The following HNRNPC variants were observed in gnomAD, a reference collection of about 807,000 sequenced individuals.
HNRNPC encodes the protein heterogeneous nuclear ribonucleoprotein C, also known as heterogeneous nuclear ribonucleoproteins C1/C2.
HNRNPC carries 3 observed loss-of-function variants against 33.2 expected under a neutral mutation model. That is an observed-to-expected ratio of 0.09 (90% confidence interval 0.04 to 0.23). The LOEUF (loss-of-function observed/expected upper bound fraction) is 0.23, where lower values mean the gene tolerates loss of function less well. Ranked by LOEUF, HNRNPC falls within the 10% of genes least tolerant of loss-of-function variation. The pLI is 1.00. For missense variants in HNRNPC, 143 were observed against 366.7 expected (o/e 0.39, Z 4.98); for synonymous variants, 121 against 126.7 (o/e 0.96, Z 0.30).
chr14:21,216,757 C>G (rs1240541670), intron 5 of HNRNPC, among the ~76,000 whole-genome samples: 1 of 152,088 alleles, frequency 6.6e-6, no homozygotes, highest in East Asian at 1.9e-4. Context: ...CATTCTATCT[C>G]CAGTAAATAC....
chr14:21,212,346 G>A (rs1023844856), intron 6 of HNRNPC, among the ~76,000 whole-genome samples: 1 of 151,876 alleles, frequency 6.6e-6, no homozygotes, highest in Non-Finnish European at 1.5e-5. Context: ...GTTACAGGAG[G>A]AGTTCAATAT....
At chr14:21,219,123 AAG>A (rs1491087769) in intron 5 of HNRNPC, among the ~76,000 whole-genome samples, 2 of 134,014 alleles carry the variant, frequency 1.5e-5, no homozygotes, top group African/African-American at 2.7e-5. Flanking sequence ...AAAAAAAAAA[AAG>A]AAGAAAAAGA....
intron 2 of HNRNPC, among the ~76,000 whole-genome samples, chr14:21,254,060 CAA>C (rs575132536): frequency 2.1e-4 from 11 of 51,988 alleles, no homozygotes; most frequent in Non-Finnish European, 2.4e-4. Context: ...GATTCCGTCT[CAA>C]AAAAAAAAAA....
At chr14:21,255,551 C>T (rs1877031915) in intron 2 of HNRNPC, among the ~76,000 whole-genome samples, 1 of 152,208 alleles carries the variant, frequency 6.6e-6, no homozygotes, top group Admixed American at 6.5e-5. Flanking sequence ...ATTAACACTG[C>T]TTACTAAACC....
At position 21,210,021 on chromosome 14, in the gene HNRNPC, A is replaced by C. The variant is rs1891448290; in HGVS notation, c.*1202T>G. 6.6e-6 allele frequency: 1 copy of C among 152,238 alleles called. No homozygotes were observed. Among genetic ancestry groups the C allele is most frequent in the South Asian group, 2.1e-4 (1 of 4,832 alleles). The allele number at this position is 152,238 out of a possible 1,614,324, so 9.4% of individuals were successfully genotyped here. A position where few individuals can be genotyped will look rare whatever the true frequency, so the allele number is the denominator to read the frequency against. ...TTCTCTATGTTCTCAATCACCTGGG[A>C]AGGCAGTCTATGGAATATCAGGAAG... On this transcript the variant is annotated 3_prime_UTR_variant, in exon 9 of 9. Coordinates refer to ENST00000553300, the MANE Select transcript of HNRNPC (RefSeq NM_004500.4).
At chr14:21,264,274 C>A (rs1878630575) in intron 1 of HNRNPC, 1 of 152,058 alleles carries the variant, frequency 6.6e-6, no homozygotes, top group South Asian at 2.1e-4. Flanking sequence ...GAATGGCCTA[C>A]CATGAAGATC....
At chr14:21,228,485 G>A (rs934898189) in intron 5 of HNRNPC, among the ~76,000 whole-genome samples, 6 of 151,962 alleles carry the variant, frequency 3.9e-5, no homozygotes, top group Non-Finnish European at 7.4e-5. Flanking sequence ...TCCACCTCCC[G>A]GGATCAAGCA....
chr14:21,267,407 C>T (rs986034646), intron 1 of HNRNPC, among the ~76,000 whole-genome samples: 1 of 152,140 alleles, frequency 6.6e-6, no homozygotes, highest in Admixed American at 6.6e-5. Flanking sequence ...TTGCTTGTTT[C>T]GCACAGCCAT....
At chr14:21,259,047 C>G (rs1434515432) in intron 2 of HNRNPC, among the ~76,000 whole-genome samples, 1 of 152,180 alleles carries the variant, frequency 6.6e-6, no homozygotes, top group Admixed American at 6.5e-5. Flanking sequence ...AAACAAGACC[C>G]TCTAAGGTCC....
Position 21,256,318 on chromosome 14 carries a change from T to C in HNRNPC, c.-37+6993A>G, listed in dbSNP as rs532007941. ...AAACAAATTAGCTGGGCTTGGTGGC[T>C]GGTGCCTGTAATCCCAGCTACTTGG... On this transcript the variant is annotated intron_variant, in intron 2 of 8. Coordinates refer to ENST00000553300, the MANE Select transcript of HNRNPC (RefSeq NM_004500.4). 1.6e-4 allele frequency among the ~76,000 whole-genome samples: 24 copies of C among 152,004 alleles called. No homozygotes were observed. The South Asian group carries it at 3.1e-3, about 20-fold the overall frequency.
At chr14:21,251,450 G>A (rs1051003303) in intron 2 of HNRNPC, among the ~76,000 whole-genome samples, 2 of 151,854 alleles carry the variant, frequency 1.3e-5, no homozygotes, top group African/African-American at 4.8e-5. Flanking sequence ...AGGCAGAGGC[G>A]GGCAGATAAC....
chr14:21,237,395 T>A lies in HNRNPC; in HGVS notation c.-36-3166A>T, dbSNP rs74623854. ...AGGTTAAAATTTATCTGTTTAAGAATCCACAGTATTAACTTGTAGTTTCCC... is the reference window on the plus strand; with the variant it reads ...AGGTTAAAATTTATCTGTTTAAGAAACCACAGTATTAACTTGTAGTTTCCC... On this transcript the variant is annotated intron_variant, in intron 2 of 8. Transcript: ENST00000553300. Among the ~76,000 whole-genome samples, 778 of 152,336 alleles carry A rather than the reference T, an allele frequency of 5.1e-3. 5 individuals are homozygous for A. Among genetic ancestry groups the A allele is most frequent in the South Asian group, 0.012 (58 of 4,832 alleles).
At chr14:21,230,208 T>G in intron 5 of HNRNPC, 111 bp downstream of exon 5, 1 of 662,788 alleles carries the variant, frequency 1.5e-6, no homozygotes, top group Non-Finnish European at 2.6e-6. Flanking sequence ...TGTTTTGGAG[T>G]TAGGGGAGTA....
chr14:21,266,872 C>G (rs1471537307), intron 1 of HNRNPC, among the ~76,000 whole-genome samples: 1 of 151,750 alleles, frequency 6.6e-6, no homozygotes, highest in Non-Finnish European at 1.5e-5. Context: ...AGGAGGACTC[C>G]CTGAGCTCAG....
chr14:21,246,736 C>T (rs1896019273), intron 2 of HNRNPC, among the ~76,000 whole-genome samples: 1 of 152,166 alleles, frequency 6.6e-6, no homozygotes, highest in Non-Finnish European at 1.5e-5. Context: ...GGAACAATTA[C>T]AACTGACCTT....
intron 2 of HNRNPC, among the ~76,000 whole-genome samples, chr14:21,250,641 T>C (rs893304165): frequency 1.3e-5 from 2 of 152,190 alleles, no homozygotes; most frequent in African/African-American, 2.4e-5. Flanking sequence ...AATTTAGAAG[T>C]CATTATTTCA....
At chr14:21,215,715 T>C (rs1305896601) in intron 5 of HNRNPC, among the ~76,000 whole-genome samples, 6 of 151,900 alleles carry the variant, frequency 3.9e-5, no homozygotes, top group Admixed American at 3.3e-4. Flanking sequence ...CTGACCAACA[T>C]GGGGAAACCC....
At chr14:21,245,507 T>A (rs77148387) in intron 2 of HNRNPC, among the ~76,000 whole-genome samples, 28,539 of 151,488 alleles carry the variant, frequency 0.19, 3,202 homozygotes, top group African/African-American at 0.29. Context: ...AAAAAATATA[T>A]ATATATTTCA....
At chr14:21,213,886 T>C (rs1891877505) in intron 5 of HNRNPC, among the ~76,000 whole-genome samples, 1 of 152,234 alleles carries the variant, frequency 6.6e-6, no homozygotes, top group Admixed American at 6.5e-5. Flanking sequence ...AAACACTGGT[T>C]GCTCAACTAA....
Sources: allele counts gnomAD v4.1 joint callset (sites outside exome capture counted in the v4.1 genomes callset), GRCh38; gene constraint gnomAD v4.1.1; transcripts MANE v1.5; gene names NCBI Gene and HGNC (gene_info 2026-07-23, HGNC 2026-07-21).